The following RYR3 variants were observed in gnomAD, a reference collection of about 807,000 sequenced individuals.
The protein encoded by RYR3 is brain ryanodine receptor-calcium release channel.
A neutral mutation model predicts 584.3 loss-of-function variants in RYR3; 207 were observed. The observed-to-expected ratio is 0.35, with a 90% confidence interval of 0.32 to 0.40. The LOEUF (loss-of-function observed/expected upper bound fraction) is 0.40. Among genes scored for constraint, RYR3 ranks in the 10% least tolerant of loss-of-function variants. The pLI, the probability that RYR3 is intolerant of heterozygous loss-of-function variation, is 1.00. For missense variants in RYR3, 5,616 were observed against 6,089.2 expected (o/e 0.92, Z 2.59); for synonymous variants, 2,416 against 2,248.5 (o/e 1.07, Z -2.11).
intron 43 of RYR3, among the ~76,000 whole-genome samples, chr15:33,720,751 G>A (rs1369541100): frequency 6.6e-6 from 1 of 152,110 alleles, no homozygotes; most frequent in African/African-American, 2.4e-5. Context: ...GCATGTGCCT[G>A]TAGTCTCAGC....
At chr15:33,696,521 C>T in intron 39 of RYR3, 30 bp downstream of exon 39, 2 of 1,604,776 alleles carry the variant, frequency 1.2e-6, no homozygotes, top group African/African-American at 1.3e-5. Flanking sequence ...GTGCTGTTCT[C>T]TCTAGGAGCT....
At chr15:33,703,946 C>T (rs545471181) in intron 42 of RYR3, among the ~76,000 whole-genome samples, 2 of 152,110 alleles carry the variant, frequency 1.3e-5, no homozygotes, top group East Asian at 1.9e-4. Flanking sequence ...CATAATAATA[C>T]CATAATAGAA....
chr15:33,519,751 C>T (rs2053826084), intron 3 of RYR3, among the ~76,000 whole-genome samples: 1 of 151,968 alleles, frequency 6.6e-6, no homozygotes, highest in Non-Finnish European at 1.5e-5. Context: ...ATGTCATTGC[C>T]TTCAGAACAG....
intron 69 of RYR3, 107 bp from the exon 70 acceptor site, chr15:33,807,448 A>G: frequency 1.8e-6 from 2 of 1,099,578 alleles, no homozygotes; most frequent in Admixed American, 2.0e-5. Context: ...TGGCTGAGAA[A>G]TGGGGGCTAA....
Position 33,566,667 on chromosome 15 carries a change from C to T in RYR3, c.1147-11C>T. 1.9e-6 allele frequency: 3 copies of T among 1,613,528 alleles called. No individual in the cohort carries two copies. The highest frequency in any genetic ancestry group is 2.7e-5 in the African/African-American group (2 of 75,008). On this transcript the variant is annotated splice_polypyrimidine_tract_variant and intron_variant, in intron 11 of 103. Transcript: ENST00000634891. ...GTAACCTAGAGCTCCCGTCCCTTGC[C>T]CTGTGGGTAGGTCATACTCCATCAG...
At chr15:33,753,145 G>A (rs373883130) in intron 57 of RYR3, among the ~76,000 whole-genome samples, 11 of 152,248 alleles carry the variant, frequency 7.2e-5, no homozygotes, top group South Asian at 4.1e-4. Flanking sequence ...CAAAAATTAC[G>A]TATTTGGAAG....
rs182623535 is a variant in RYR3 at position 33,725,589 on chromosome 15, C to G, written c.6913-797C>G. 7.9e-4 allele frequency among the ~76,000 whole-genome samples: 120 copies of G among 152,184 alleles called. 2 individuals are homozygous for G. Among genetic ancestry groups the G allele is most frequent in the Non-Finnish European group, 5.9e-5 (4 of 68,016 alleles). ...AAGTTCTCTCTGACATTCTCTACAC[C>G]CTTTTTGCCCAGTCATCATCCCCAG... is the stretch of plus-strand genomic sequence containing the variant. On this transcript the variant is annotated intron_variant, in intron 45 of 103. Transcript: ENST00000634891.
At chr15:33,429,638 G>A (rs1213924532) in intron 1 of RYR3, among the ~76,000 whole-genome samples, 1 of 152,128 alleles carries the variant, frequency 6.6e-6, no homozygotes, top group Non-Finnish European at 1.5e-5. Flanking sequence ...CCACACCAAC[G>A]GTCCTCTTTA....
intron 48 of RYR3, among the ~76,000 whole-genome samples, chr15:33,735,594 TAAAA>T (rs1028611209): frequency 6.6e-6 from 1 of 152,152 alleles, no homozygotes; most frequent in Non-Finnish European, 1.5e-5. Flanking sequence ...TTTGGCAATG[TAAAA>T]AAAGCAAAAT....
At chr15:33,455,988 T>C (rs1293972221) in intron 1 of RYR3, among the ~76,000 whole-genome samples, 1 of 152,210 alleles carries the variant, frequency 6.6e-6, no homozygotes, top group Non-Finnish European at 1.5e-5. Flanking sequence ...TCTTACAGAA[T>C]ACTAATCACA....
At chr15:33,637,784 G>A (rs192587226) in intron 27 of RYR3, among the ~76,000 whole-genome samples, 20 of 152,104 alleles carry the variant, frequency 1.3e-4, no homozygotes, top group Admixed American at 9.2e-4. Flanking sequence ...ATATTCAACT[G>A]TACCTTTCAA....
At chr15:33,582,939 A>G (rs955678006) in intron 14 of RYR3, among the ~76,000 whole-genome samples, 20 of 152,218 alleles carry the variant, frequency 1.3e-4, no homozygotes, top group Non-Finnish European at 2.8e-4. Flanking sequence ...ATCAATTTAC[A>G]TGGACTTGTT....
chr15:33,721,953 T>C (rs1001419222), intron 43 of RYR3, among the ~76,000 whole-genome samples: 1 of 152,224 alleles, frequency 6.6e-6, no homozygotes, highest in Non-Finnish European at 1.5e-5. Flanking sequence ...TACAATTCTC[T>C]AACCTCTGCC....
intron 1 of RYR3, among the ~76,000 whole-genome samples, chr15:33,411,971 C>T (rs1416213961): frequency 6.6e-6 from 1 of 152,090 alleles, no homozygotes; most frequent in African/African-American, 2.4e-5. Context: ...AAGTTAACCC[C>T]CAAGAAAGAA....
chr15:33,418,290 TG>T (rs2043971550), intron 1 of RYR3, among the ~76,000 whole-genome samples: 1 of 151,998 alleles, frequency 6.6e-6, no homozygotes, highest in African/African-American at 2.4e-5. Flanking sequence ...AGAATTCGGC[TG>T]CAAATCCATC....
rs1205566832 is a variant in RYR3, at chr15:33,671,508, T to C, written c.5860+952T>C. The stretch of plus-strand genomic sequence containing the variant: ...CCTTTCAACTTTGTCAGAATATCTC[T>C]GAAGGGAACAAATCTCACCATTTGT... On this transcript the variant is annotated intron_variant, in intron 38 of 103. Transcript: ENST00000634891. 2.6e-5 allele frequency among the ~76,000 whole-genome samples: 4 copies of C among 152,190 alleles called. No homozygotes were observed. In the East Asian group the frequency reaches 7.7e-4, roughly 29 times the overall value.
intron 67 of RYR3, among the ~76,000 whole-genome samples, chr15:33,799,311 G>T (rs1328810279): frequency 6.6e-6 from 1 of 152,092 alleles, no homozygotes; most frequent in Non-Finnish European, 1.5e-5. Context: ...GCAATTAGAG[G>T]GTTGGGACTT....
At chr15:33,787,892 A>C (rs1377184292) in intron 66 of RYR3, among the ~76,000 whole-genome samples, 1 of 152,238 alleles carries the variant, frequency 6.6e-6, no homozygotes, top group Non-Finnish European at 1.5e-5. Context: ...ATGGACTATA[A>C]AATAATACAA....
intron 5 of RYR3, among the ~76,000 whole-genome samples, chr15:33,536,454 T>C: frequency 6.6e-6 from 1 of 152,198 alleles, no homozygotes; most frequent in East Asian, 1.9e-4. Context: ...AGGAAAGAAA[T>C]GTTTAAAGCA....
Sources: gnomAD v4.1 joint callset for allele counts (sites outside exome capture counted in the v4.1 genomes callset) on GRCh38, gnomAD v4.1.1 for gene constraint, MANE v1.5 for transcripts, NCBI Gene and HGNC (gene_info 2026-07-23, HGNC 2026-07-21) for gene names.